The following SLC35B4 variants were observed in gnomAD, a reference collection of about 807,000 sequenced individuals.
SLC35B4 encodes solute carrier family 35 member B4.
Under a neutral mutation model 39.5 loss-of-function variants are expected in SLC35B4, and 28 were observed. That is an observed-to-expected ratio of 0.71 (90% CI 0.53 to 0.97). The LOEUF is 0.97. Among genes scored for constraint, SLC35B4 ranks in the 50% least tolerant of loss-of-function variants. SLC35B4 has a pLI of 0.00. For missense variants in SLC35B4, 334 were observed against 414.3 expected (o/e 0.81, Z 1.68); for synonymous variants, 145 against 150.4 (o/e 0.96, Z 0.26).
At position 134,304,871 on chromosome 7, in the gene SLC35B4, C is replaced by T. The variant is rs1416276423; in HGVS notation, c.295-17G>A. On this transcript the variant is annotated splice_polypyrimidine_tract_variant and intron_variant, in intron 3 of 9. Transcript: ENST00000378509. The stretch of plus-strand genomic sequence containing the variant: ...TAGAGAACCCTGCAAAAGGAGACAA[C>T]AGTAACAGAGAGGTTTAGTGCACTA... 6.2e-7 allele frequency: 1 copy of T among 1,607,818 alleles called. No individual in the cohort carries two copies. Among genetic ancestry groups the T allele is most frequent in the African/African-American group, 1.3e-5 (1 of 74,578 alleles).
At chr7:134,310,420 G>A (rs2117314153) in intron 1 of SLC35B4, among the ~76,000 whole-genome samples, 1 of 152,158 alleles carries the variant, frequency 6.6e-6, no homozygotes, top group East Asian at 1.9e-4. Context: ...TCTTGAGCTT[G>A]TCTTCCATTC....
upstream of SLC35B4, among the ~76,000 whole-genome samples, chr7:134,320,002 C>A (rs934300634): frequency 3.3e-5 from 5 of 152,200 alleles, no homozygotes; most frequent in Non-Finnish European, 7.3e-5. Context: ...TGCCTCCAGG[C>A]TGATTCCAAA....
chr7:134,296,158 C>T lies in SLC35B4; in HGVS notation c.749+233G>A, dbSNP rs112269382. ...CAATCAATGGACTCCTACACTTCCA[C>T]TCAGAGCACTTCCTCCTGCTGCCCT... is the stretch of plus-strand genomic sequence containing the variant. On this transcript the variant is annotated intron_variant, in intron 9 of 9. Coordinates refer to ENST00000378509, the MANE Select transcript of SLC35B4 (RefSeq NM_032826.5). 5.2e-3 allele frequency among the ~76,000 whole-genome samples: 793 copies of T among 152,328 alleles called. 10 individuals are homozygous for T. Among genetic ancestry groups the T allele is most frequent in the African/African-American group, 0.018 (732 of 41,564 alleles).
intron 8 of SLC35B4, among the ~76,000 whole-genome samples, chr7:134,297,234 T>G (rs1011336422): frequency 1.3e-5 from 2 of 152,206 alleles, no homozygotes; most frequent in Non-Finnish European, 2.9e-5. Context: ...TCAAAATGTA[T>G]AAATAATATC....
Position 134,294,976 on chromosome 7 carries a change from T to C in SLC35B4, c.853A>G (p.Ile285Val). 1.2e-6 allele frequency: 2 copies of C among 1,614,032 alleles called. No individual in the cohort carries two copies. Among genetic ancestry groups the C allele is most frequent in the Non-Finnish European group, 1.7e-6 (2 of 1,180,016 alleles). ...LRKFVSLIFSILYFQNPFTLW... is the reference protein window; with the variant it reads ...LRKFVSLIFSVLYFQNPFTLW... The stretch of plus-strand genomic sequence containing the variant: ...GTGAAGGGGTTCTGGAAGTACAAGA[T>C]GGAAAAGATGAGGCTCACAAATTTG... Residue 285 changes from isoleucine to valine, a missense_variant, in exon 10 of 10, where the codon ATC (isoleucine) becomes GTC (valine). Physicochemically the swap from Ile to Val is conservative, Grantham distance 29. Coordinates refer to ENST00000378509, the MANE Select transcript of SLC35B4 (RefSeq NM_032826.5).
At chr7:134,303,957 C>T (rs938413244) in intron 4 of SLC35B4, among the ~76,000 whole-genome samples, 23 of 152,170 alleles carry the variant, frequency 1.5e-4, no homozygotes, top group African/African-American at 5.3e-4. Context: ...AAAGAACAGT[C>T]CTGAACCTTT....
intron 1 of SLC35B4, among the ~76,000 whole-genome samples, chr7:134,314,317 T>C (rs970705392): frequency 1.3e-5 from 2 of 152,246 alleles, no homozygotes; most frequent in Middle Eastern, 3.4e-3. Flanking sequence ...AGAACCATCA[T>C]CACCATCACC....
At chr7:134,304,882 A>G in intron 3 of SLC35B4, 28 bp from the exon 4 acceptor site, 1 of 1,589,882 alleles carries the variant, frequency 6.3e-7, no homozygotes, top group East Asian at 2.2e-5. Context: ...AGTAACAGAG[A>G]GGTTTAGTGC....
chr7:134,296,246 T>C (rs1803462910), intron 9 of SLC35B4, 145 bp downstream of exon 9: 10 of 711,564 alleles, frequency 1.4e-5, no homozygotes, highest in Non-Finnish European at 2.4e-6. Context: ...GTTCCCTGAA[T>C]TGGTCTCTGT....
intron 1 of SLC35B4, among the ~76,000 whole-genome samples, chr7:134,310,704 C>G (rs1186902818): frequency 6.6e-6 from 1 of 151,936 alleles, no homozygotes; most frequent in Non-Finnish European, 1.5e-5. Flanking sequence ...GCCACCAGGC[C>G]CGGCTAATTT....
upstream of SLC35B4, among the ~76,000 whole-genome samples, chr7:134,319,136 A>C (rs181361392): frequency 1.3e-5 from 2 of 152,286 alleles, no homozygotes; most frequent in Non-Finnish European, 2.9e-5. Flanking sequence ...TGCTCAAAGA[A>C]ACTAACTTAT....
chr7:134,300,266 A>C lies in SLC35B4; in HGVS notation c.488-5T>G. On this transcript the variant is annotated splice_polypyrimidine_tract_variant and splice_region_variant and intron_variant, in intron 6 of 9. Transcript: ENST00000378509. ...CAAAAGTCAATGCCCCAATACCTAAAAAACAAACATCAGGTGACAAGATGT... is the reference window on the plus strand; with the variant it reads ...CAAAAGTCAATGCCCCAATACCTAACAAACAAACATCAGGTGACAAGATGT... The C allele has an allele frequency of 6.3e-7, 1 of 1,585,990 alleles. No homozygotes were observed. Among genetic ancestry groups the C allele is most frequent in the Non-Finnish European group, 8.6e-7 (1 of 1,165,212 alleles).
At chr7:134,311,884 C>G (rs984310174) in intron 1 of SLC35B4, among the ~76,000 whole-genome samples, 1 of 152,164 alleles carries the variant, frequency 6.6e-6, no homozygotes, top group African/African-American at 2.4e-5. Context: ...AGGTAGTTCT[C>G]AGGTGCTGAC....
chr7:134,306,614 C>T (rs12112626), intron 3 of SLC35B4, 58 bp downstream of exon 3: 16,341 of 1,393,192 alleles, frequency 0.012, 268 homozygotes, highest in African/African-American at 0.066. Flanking sequence ...TATATTCAAT[C>T]GATCTACTTA....
chr7:134,296,272 GAATA>G (rs1803463688), intron 9 of SLC35B4, 115 bp downstream of exon 9: 1 of 917,988 alleles, frequency 1.1e-6, no homozygotes, highest in Admixed American at 2.2e-5. Flanking sequence ...GCTTACCGCA[GAATA>G]AATCCAGCGA....
intron 1 of SLC35B4, among the ~76,000 whole-genome samples, 191 bp from the exon 2 acceptor site, chr7:134,309,670 C>G (rs1038500378): frequency 2.6e-5 from 4 of 152,200 alleles, no homozygotes; most frequent in African/African-American, 7.2e-5. Flanking sequence ...GAATGTCAAG[C>G]TTTCTTATTT....
rs1272997393 is a variant in SLC35B4 at position 134,293,984 on chromosome 7, G to A, written c.*849C>T. The A allele has an allele frequency of 6.6e-6, 1 of 151,962 alleles. No individual in the cohort carries two copies. The highest frequency in any genetic ancestry group is 1.5e-5 in the Non-Finnish European group (1 of 68,052). 9.4% of individuals were successfully genotyped at this position (151,962 alleles called of 1,614,324 possible). On this transcript the variant is annotated 3_prime_UTR_variant, in exon 10 of 10. Coordinates refer to ENST00000378509, the MANE Select transcript of SLC35B4 (RefSeq NM_032826.5). ...ATTTTCGTATTTTTAGTAGAGATGG[G>A]GTTTCACCATGTTGGCCAGATTGGT...
chr7:134,305,568 G>A (rs895812946), intron 3 of SLC35B4, among the ~76,000 whole-genome samples: 26 of 152,156 alleles, frequency 1.7e-4, no homozygotes, highest in South Asian at 2.1e-4. Flanking sequence ...GGGCTAGCAC[G>A]AATAAATGAT....
chr7:134,317,003 C>A (rs1342456365), upstream of SLC35B4: 1 of 523,338 alleles, frequency 1.9e-6, no homozygotes. Context: ...GACTACATGT[C>A]CCAGGATGCC....
Sources: gnomAD v4.1 joint callset for allele counts (sites outside exome capture counted in the v4.1 genomes callset) on GRCh38, gnomAD v4.1.1 for gene constraint, MANE v1.5 for transcripts, NCBI Gene and HGNC (gene_info 2026-07-23, HGNC 2026-07-21) for gene names.